Variants in EXT1 observed in about 807,000 individuals in gnomAD.
EXT1 encodes exostosin glycosyltransferase 1.
Under a neutral mutation model 82.5 loss-of-function variants are expected in EXT1, and 20 were observed. The ratio of observed to expected loss-of-function variants is 0.24; its 90% CI spans 0.17 to 0.35. EXT1 has a LOEUF of 0.35. Ranked by LOEUF, EXT1 falls within the 10% of genes least tolerant of loss-of-function variation. The probability of loss-of-function intolerance (pLI) is 1.00; values close to 1 mark genes in which losing one functional copy is unlikely to be tolerated. For missense variants in EXT1, 757 were observed against 936.5 expected (o/e 0.81, Z 2.50); for synonymous variants, 348 against 350.8 (o/e 0.99, Z 0.09).
At chr8:117,801,060 T>C (rs529338647) in intron 10 of EXT1, among the ~76,000 whole-genome samples, 4 of 152,360 alleles carry the variant, frequency 2.6e-5, no homozygotes, top group Admixed American at 6.5e-5. Flanking sequence ...TTTAGAAAAA[T>C]ACTTTCATGG....
chr8:117,898,447 C>T (rs1301115256), intron 1 of EXT1, among the ~76,000 whole-genome samples: 2 of 152,174 alleles, frequency 1.3e-5, no homozygotes, highest in Non-Finnish European at 2.9e-5. Context: ...AGCATGAAAG[C>T]ATTGGATTAG....
rs1173695009 is a variant in EXT1 at position 118,057,975 on chromosome 8, G to GA, written c.962+52109dup. ...AACAGAGTTAGACCCCATCTCAAAA[G>GA]AAAAAAAAAAAAAAAAAGGAAAAGA... On this transcript the variant is annotated intron_variant, in intron 1 of 10. Transcript: ENST00000378204. Among the ~76,000 whole-genome samples, 353 of 59,362 alleles carry GA rather than the reference G, an allele frequency of 5.9e-3. 4 individuals carry two copies. Among genetic ancestry groups the GA allele is most frequent in the South Asian group, 0.013 (22 of 1,656 alleles). 38.9% of individuals were successfully genotyped at this position (59,362 alleles called of 152,430 possible).
intron 1 of EXT1, among the ~76,000 whole-genome samples, chr8:117,939,243 A>G (rs1814226796): frequency 1.3e-5 from 2 of 152,214 alleles, no homozygotes; most frequent in South Asian, 4.1e-4. Context: ...ATCCTCACAG[A>G]CAACCCTATG....
chr8:117,854,273 C>T (rs1812503420), intron 1 of EXT1, among the ~76,000 whole-genome samples: 1 of 152,078 alleles, frequency 6.6e-6, no homozygotes. Flanking sequence ...ATCCATCTGC[C>T]TCCTAGACTA....
rs1354035604 is a variant in EXT1 at position 117,798,953 on chromosome 8, T to C, written c.*759A>G. 1 of 152,290 alleles carries C rather than the reference T, an allele frequency of 6.6e-6. No individual in the cohort carries two copies. 9.4% of individuals were successfully genotyped at this position (152,290 alleles called of 1,614,324 possible). A position where few individuals can be genotyped will look rare whatever the true frequency, so the allele number is the denominator to read the frequency against. On this transcript the variant is annotated 3_prime_UTR_variant, in exon 11 of 11. Transcript: ENST00000378204. ...CTAACATGCTGGTGGGTTATCTGGA[T>C]AGTTCTTTGTGCAAACTGAACATTT...
intron 6 of EXT1, among the ~76,000 whole-genome samples, chr8:117,818,961 C>A (rs1401193192): frequency 1.3e-5 from 2 of 152,104 alleles, no homozygotes; most frequent in African/African-American, 4.8e-5. Context: ...CTACACCAGG[C>A]AATGTGGGAG....
intron 1 of EXT1, among the ~76,000 whole-genome samples, chr8:118,011,264 A>G (rs1422824469): frequency 2.6e-5 from 4 of 152,070 alleles, no homozygotes; most frequent in African/African-American, 7.3e-5. Flanking sequence ...CCGGTCCAGA[A>G]TGGAAGCTAC....
At chr8:117,910,726 C>T (rs1006891911) in intron 1 of EXT1, among the ~76,000 whole-genome samples, 10 of 152,198 alleles carry the variant, frequency 6.6e-5, no homozygotes, top group South Asian at 2.1e-4. Flanking sequence ...TATGAGTTGA[C>T]GGAAGCTTAG....
chr8:117,806,575 A>G (rs1823241113), intron 9 of EXT1, among the ~76,000 whole-genome samples: 2 of 152,138 alleles, frequency 1.3e-5, no homozygotes, highest in African/African-American at 4.8e-5. Context: ...ATGGTTCTCC[A>G]GTATTCTGCC....
At chr8:118,019,414 G>A (rs1381399618) in intron 1 of EXT1, among the ~76,000 whole-genome samples, 1 of 152,172 alleles carries the variant, frequency 6.6e-6, no homozygotes, top group Non-Finnish European at 1.5e-5. Flanking sequence ...AGAAAGACAG[G>A]CAGAGAGAGA....
chr8:117,800,029 C>T, intron 10 of EXT1, 132 bp from the exon 11 acceptor site: 1 of 848,218 alleles, frequency 1.2e-6, no homozygotes, highest in South Asian at 1.6e-5. Context: ...CAAGTCTCAC[C>T]ATCTATGCAC....
At chr8:118,006,831 C>A (rs1815785651) in intron 1 of EXT1, among the ~76,000 whole-genome samples, 1 of 152,156 alleles carries the variant, frequency 6.6e-6, no homozygotes, top group Admixed American at 6.5e-5. Flanking sequence ...AAAAAGAGAA[C>A]ACTCTCTCCA....
chr8:117,901,572 A>G (rs766262057), intron 1 of EXT1, among the ~76,000 whole-genome samples: 3 of 152,194 alleles, frequency 2.0e-5, no homozygotes, highest in Non-Finnish European at 2.9e-5. Context: ...TTTTTTCAAT[A>G]ATAACTTAGC....
At chr8:117,827,217 T>C (rs1812021537) in intron 4 of EXT1, among the ~76,000 whole-genome samples, 1 of 152,210 alleles carries the variant, frequency 6.6e-6, no homozygotes, top group South Asian at 2.1e-4. Flanking sequence ...CTTTGGCTCA[T>C]TAAAATCACT....
chr8:117,854,272 C>T (rs1812503384), intron 1 of EXT1, among the ~76,000 whole-genome samples: 2 of 152,090 alleles, frequency 1.3e-5, no homozygotes, highest in Non-Finnish European at 2.9e-5. Context: ...CATCCATCTG[C>T]CTCCTAGACT....
intron 3 of EXT1, 63 bp downstream of exon 3, chr8:117,835,381 G>T: frequency 7.8e-7 from 1 of 1,274,158 alleles, no homozygotes; most frequent in South Asian, 1.2e-5. Context: ...CATCTTCTTT[G>T]AAAGTTTGGA....
rs893071283 is a variant in EXT1 at position 117,874,397 on chromosome 8, G to A, written c.963-37196C>T. On this transcript the variant is annotated intron_variant, in intron 1 of 10. Coordinates refer to ENST00000378204, the MANE Select transcript of EXT1 (RefSeq NM_000127.3). ...TCAAGACCAGCCTGGCCAACATGGC[G>A]AAACCTAGTCTCTACTAAAAATACA... 1.5e-4 allele frequency among the ~76,000 whole-genome samples: 23 copies of A among 151,916 alleles called. No individual in the cohort carries two copies. The Middle Eastern group carries it at 0.014, about 90-fold the overall frequency.
chr8:118,021,248 T>C (rs1044988424), intron 1 of EXT1, among the ~76,000 whole-genome samples: 2 of 152,344 alleles, frequency 1.3e-5, no homozygotes, highest in African/African-American at 2.4e-5. Context: ...CAGTTGATCA[T>C]GTATTACAAA....
At chr8:118,090,330 G>A (rs1817499626) in intron 1 of EXT1, among the ~76,000 whole-genome samples, 1 of 152,108 alleles carries the variant, frequency 6.6e-6, no homozygotes, top group Non-Finnish European at 1.5e-5. Context: ...CGAGGTGGGA[G>A]GATTGCTTGA....
Sources: allele counts gnomAD v4.1 joint callset (sites outside exome capture counted in the v4.1 genomes callset), GRCh38; gene constraint gnomAD v4.1.1; transcripts MANE v1.5; gene names NCBI Gene and HGNC (gene_info 2026-07-23, HGNC 2026-07-21).